GPC6: variants seen among roughly 807,000 people sequenced by gnomAD.
The protein encoded by GPC6 is glypican-6.
GPC6 carries 14 observed loss-of-function variants against 55.2 expected under a neutral mutation model. The observed-to-expected ratio is 0.25, with a 90% CI of 0.17 to 0.40. The LOEUF (loss-of-function observed/expected upper bound fraction) is 0.40, where lower values mean the gene tolerates loss of function less well. Ranked by LOEUF, GPC6 falls within the 10% of genes least tolerant of loss-of-function variation. GPC6 has a pLI of 1.00. For missense variants in GPC6, 641 were observed against 708.5 expected (o/e 0.90, Z 1.08); for synonymous variants, 278 against 259.6 (o/e 1.07, Z -0.68).
At chr13:93,586,288 G>A (rs1877194925) in intron 2 of GPC6, among the ~76,000 whole-genome samples, 1 of 152,160 alleles carries the variant, frequency 6.6e-6, no homozygotes, top group African/African-American at 2.4e-5. Flanking sequence ...CAAAGGACAT[G>A]ATCTCATTCA....
At chr13:94,385,353 C>T (rs1414742020) in intron 7 of GPC6, among the ~76,000 whole-genome samples, 2 of 152,004 alleles carry the variant, frequency 1.3e-5, no homozygotes, top group Non-Finnish European at 2.9e-5. Flanking sequence ...GGTTTAGGAA[C>T]GGACCACACT....
intron 1 of GPC6, among the ~76,000 whole-genome samples, chr13:93,511,189 T>A (rs1422362888): frequency 6.6e-6 from 1 of 150,790 alleles, no homozygotes; most frequent in African/African-American, 2.4e-5. Flanking sequence ...CAGAAGCATT[T>A]TAAAAATTAA....
At chr13:93,914,282 G>T (rs1268551290) in intron 3 of GPC6, among the ~76,000 whole-genome samples, 1 of 151,094 alleles carries the variant, frequency 6.6e-6, no homozygotes, top group African/African-American at 2.4e-5. Context: ...TGTTCTCATT[G>T]TTCAATTGCC....
chr13:94,126,545 A>C (rs1886821965), intron 4 of GPC6, among the ~76,000 whole-genome samples: 1 of 152,144 alleles, frequency 6.6e-6, no homozygotes, highest in African/African-American at 2.4e-5. Context: ...GTTTTCAAAG[A>C]GTTGAGGTTC....
chr13:93,233,717 G>A (rs984506614), intron 1 of GPC6, among the ~76,000 whole-genome samples: 1 of 152,168 alleles, frequency 6.6e-6, no homozygotes, highest in African/African-American at 2.4e-5. Context: ...TGTGGAAGGG[G>A]CACAAATTTC....
At chr13:93,894,359 C>G (rs1875868382) in intron 3 of GPC6, among the ~76,000 whole-genome samples, 1 of 152,038 alleles carries the variant, frequency 6.6e-6, no homozygotes, top group South Asian at 2.1e-4. Context: ...TATGGCCTTC[C>G]AAGGTGATGG....
chr13:93,789,618 T>TATATATAATACTAC (rs1885957681), intron 2 of GPC6, among the ~76,000 whole-genome samples: 6 of 47,404 alleles, frequency 1.3e-4, no homozygotes, highest in East Asian at 3.9e-3. Flanking sequence ...TATATATATA[T>TATATATAATACTAC]ATATATATAT....
intron 6 of GPC6, among the ~76,000 whole-genome samples, chr13:94,380,345 G>T (rs1004770320): frequency 6.6e-6 from 1 of 152,014 alleles, no homozygotes; most frequent in Admixed American, 6.6e-5. Context: ...CCTATTGTGG[G>T]CACGCCTTTA....
intron 2 of GPC6, among the ~76,000 whole-genome samples, chr13:93,792,005 A>G (rs4548731): frequency 0.33 from 50,477 of 152,124 alleles, 8,820 homozygotes; most frequent in African/African-American, 0.44. Context: ...CTAAAGAATG[A>G]CCTATTAAGT....
At chr13:94,108,830 G>A (rs369872777) in intron 4 of GPC6, among the ~76,000 whole-genome samples, 6 of 149,224 alleles carry the variant, frequency 4.0e-5, no homozygotes, top group Middle Eastern at 3.4e-3. Context: ...CAACAAGAGC[G>A]AGACTCCGTC....
At position 93,666,922 on chromosome 13, in the gene GPC6, T is replaced by C. The variant is rs143778947; in HGVS notation, c.319+121501T>C. ...TTAAATTATTCATACTTATTTCTTT[T>C]AATAATTTATAATATAACTTTCTTT... On this transcript the variant is annotated intron_variant, in intron 2 of 8. Transcript: ENST00000377047. Among the ~76,000 whole-genome samples the C allele has an allele frequency of 2.0e-3, 307 of 152,326 alleles. 2 individuals carry two copies. The highest frequency in any genetic ancestry group is 3.9e-3 in the Non-Finnish European group (262 of 68,036).
At chr13:94,368,613 G>T (rs151230315) in intron 6 of GPC6, among the ~76,000 whole-genome samples, 40 of 152,156 alleles carry the variant, frequency 2.6e-4, no homozygotes, top group African/African-American at 9.6e-4. Context: ...CTAAGAATAC[G>T]AGGGAGGGAG....
chr13:94,278,183 A>G (rs892573038), intron 4 of GPC6, among the ~76,000 whole-genome samples: 3 of 152,060 alleles, frequency 2.0e-5, no homozygotes, highest in African/African-American at 7.2e-5. Context: ...TAAGTATTTT[A>G]TTCTCTTTGT....
chr13:93,731,717 G>A (rs4572256), intron 2 of GPC6, among the ~76,000 whole-genome samples: 29,730 of 152,094 alleles, frequency 0.2, 3,709 homozygotes, highest in Admixed American at 0.26. Context: ...AGATATGGAT[G>A]TGAGCGTGAA....
Position 93,969,193 on chromosome 13 carries a change from G to A in GPC6, c.712-58536G>A, listed in dbSNP as rs1326738745. Among the ~76,000 whole-genome samples, 4 of 152,248 alleles carry A rather than the reference G, an allele frequency of 2.6e-5. No homozygotes were observed. In the East Asian group the frequency reaches 7.7e-4, roughly 29 times the overall value. On this transcript the variant is annotated intron_variant, in intron 3 of 8. Coordinates refer to ENST00000377047, the MANE Select transcript of GPC6 (RefSeq NM_005708.5). The stretch of plus-strand genomic sequence containing the variant: ...TTATGGCAGCTTAGTAGTTTAAAAG[G>A]GATTGATATCAACTGTGGTTTGATA...
intron 3 of GPC6, among the ~76,000 whole-genome samples, chr13:93,838,953 A>G (rs902729083): frequency 2.0e-5 from 3 of 152,238 alleles, no homozygotes; most frequent in Non-Finnish European, 2.9e-5. Context: ...TCAGGATCAG[A>G]TGAAATGTCA....
chr13:93,315,027 A>G (rs898346984), intron 1 of GPC6, among the ~76,000 whole-genome samples: 1 of 152,088 alleles, frequency 6.6e-6, no homozygotes, highest in African/African-American at 2.4e-5. Flanking sequence ...AAAACAGTAC[A>G]TTGTTGGTTT....
intron 2 of GPC6, among the ~76,000 whole-genome samples, chr13:93,684,180 T>TTTTG (rs1453556081): frequency 2.0e-5 from 3 of 152,206 alleles, no homozygotes; most frequent in South Asian, 2.1e-4. Context: ...ACTGCAAATT[T>TTTTG]TTTGTTTGTT....
At chr13:94,178,617 T>G (rs968849539) in intron 4 of GPC6, among the ~76,000 whole-genome samples, 8 of 152,204 alleles carry the variant, frequency 5.3e-5, no homozygotes, top group Admixed American at 3.9e-4. Flanking sequence ...AGGATGTACT[T>G]TCTCCAGAAT....
Sources: gnomAD v4.1 joint callset for allele counts (sites outside exome capture counted in the v4.1 genomes callset) on GRCh38, gnomAD v4.1.1 for gene constraint, MANE v1.5 for transcripts, NCBI Gene and HGNC (gene_info 2026-07-23, HGNC 2026-07-21) for gene names.